Variants in MACROD1 observed in about 807,000 individuals in gnomAD.
MACROD1 encodes ADP-ribose glycohydrolase MACROD1.
MACROD1 carries 31 observed loss-of-function variants against 41.4 expected under a neutral mutation model. The observed-to-expected ratio is 0.75, with a 90% CI of 0.56 to 1.01. The LOEUF (loss-of-function observed/expected upper bound fraction) is 1.01. MACROD1 is among the 50% of genes least tolerant of loss of function. MACROD1 has a pLI of 0.00. For missense variants in MACROD1, 473 were observed against 460.0 expected, an observed-to-expected ratio of 1.03 and a Z score of -0.26; for synonymous variants, 252 against 203.4, an observed-to-expected ratio of 1.24 and a Z score of -2.03.
chr11:64,067,729 C>T lies in MACROD1; in HGVS notation c.518-52448G>A, dbSNP rs768609675. Among the ~76,000 whole-genome samples the T allele has an allele frequency of 5.9e-5, 9 of 152,178 alleles. No homozygotes were observed. Among genetic ancestry groups the T allele is most frequent in the Non-Finnish European group, 7.4e-5 (5 of 68,026 alleles). On this transcript the variant is annotated intron_variant, in intron 3 of 10. Coordinates refer to ENST00000255681, the MANE Select transcript of MACROD1 (RefSeq NM_014067.4). The surrounding 1 kb of genome is among the most constrained non-coding windows in gnomAD (Gnocchi z 4.6). ...TGCGGACACGCCCCTCGCGAGGCACCGCAGGCTGCCACCCCCAGCTTGTGA... is the reference window on the plus strand; with the variant it reads ...TGCGGACACGCCCCTCGCGAGGCACTGCAGGCTGCCACCCCCAGCTTGTGA...
At chr11:64,092,070 C>T (rs1944500601) in intron 3 of MACROD1, among the ~76,000 whole-genome samples, 1 of 152,196 alleles carries the variant, frequency 6.6e-6, no homozygotes, top group South Asian at 2.1e-4. Context: ...CAAGCCAGGA[C>T]CATAGCACAC....
At chr11:64,060,898 G>A (rs1289148243) in intron 3 of MACROD1, among the ~76,000 whole-genome samples, 1 of 152,026 alleles carries the variant, frequency 6.6e-6, no homozygotes, top group Non-Finnish European at 1.5e-5. Context: ...CCGCCCCCGA[G>A]GCTCTTTGCA....
At chr11:64,027,343 G>A (rs904666761) in intron 3 of MACROD1, among the ~76,000 whole-genome samples, 7 of 152,178 alleles carry the variant, frequency 4.6e-5, no homozygotes, top group African/African-American at 1.7e-4. Flanking sequence ...CTGGGGAAGG[G>A]AGCAGATTGA....
At chr11:64,094,065 G>C (rs1447565101) in intron 3 of MACROD1, among the ~76,000 whole-genome samples, 1 of 152,174 alleles carries the variant, frequency 6.6e-6, no homozygotes, top group Non-Finnish European at 1.5e-5. Context: ...GGGAGGCCAA[G>C]CCAGGCAGAT....
At chr11:64,084,339 C>T (rs1036827578) in intron 3 of MACROD1, among the ~76,000 whole-genome samples, 6 of 152,226 alleles carry the variant, frequency 3.9e-5, no homozygotes, top group African/African-American at 7.2e-5. Flanking sequence ...CCCCCAGCCT[C>T]GAGGAGCCCC....
intron 3 of MACROD1, among the ~76,000 whole-genome samples, chr11:64,148,429 T>A (rs890317509): frequency 2.0e-5 from 3 of 152,062 alleles, no homozygotes; most frequent in Admixed American, 2.0e-4. Flanking sequence ...GGCGGCCAGA[T>A]CTCAAGCTCC....
chr11:64,119,400 T>C (rs1315772248), intron 3 of MACROD1, among the ~76,000 whole-genome samples: 1 of 152,198 alleles, frequency 6.6e-6, no homozygotes, highest in East Asian at 1.9e-4. Context: ...AAAAGCTTTA[T>C]TTGATTCCAG....
chr11:64,000,138 C>G (rs1942795832), intron 5 of MACROD1, 89 bp downstream of exon 5: 3 of 1,041,474 alleles, frequency 2.9e-6, no homozygotes, highest in Non-Finnish European at 4.2e-6. Context: ...AGTTCCCCAG[C>G]ACTCCTGTGG....
intron 3 of MACROD1, among the ~76,000 whole-genome samples, chr11:64,066,155 GGC>G (rs1944001469): frequency 2.0e-5 from 3 of 151,802 alleles, no homozygotes; most frequent in African/African-American, 7.3e-5. Context: ...GAATTAGCTG[GGC>G]ATGGTGGTGG....
At chr11:64,117,710 G>T in intron 3 of MACROD1, 1 of 1,613,638 alleles carries the variant, frequency 6.2e-7, no homozygotes, top group Non-Finnish European at 8.5e-7. Context: ...GCTCCATCAC[G>T]GAGACCTTGG....
At chr11:64,091,378 A>G (rs1565228284) in intron 3 of MACROD1, among the ~76,000 whole-genome samples, 2 of 150,846 alleles carry the variant, frequency 1.3e-5, no homozygotes, top group Non-Finnish European at 3.0e-5. Context: ...CTCTGGGGAC[A>G]TGAGGATGCC....
intron 4 of MACROD1, among the ~76,000 whole-genome samples, chr11:64,010,449 G>A (rs1375620779): frequency 3.3e-5 from 5 of 150,816 alleles, no homozygotes; most frequent in African/African-American, 1.2e-4. Context: ...TGGGGTGTTG[G>A]TTGGGGTGCT....
At chr11:64,060,864 C>G (rs1355960017) in intron 3 of MACROD1, among the ~76,000 whole-genome samples, 15 of 152,162 alleles carry the variant, frequency 9.9e-5, no homozygotes, top group African/African-American at 3.6e-4. Context: ...GGGGCCAAAG[C>G]CCTCCAGGCC....
intron 3 of MACROD1, among the ~76,000 whole-genome samples, chr11:64,037,476 AG>A (rs1174871977): frequency 1.3e-5 from 2 of 152,342 alleles, no homozygotes; most frequent in Non-Finnish European, 2.9e-5. Flanking sequence ...GCGACTGTTC[AG>A]GGCTTCCTCA....
chr11:64,133,790 C>T (rs1214805545), intron 3 of MACROD1, among the ~76,000 whole-genome samples: 1 of 152,224 alleles, frequency 6.6e-6, no homozygotes, highest in Non-Finnish European at 1.5e-5. Flanking sequence ...GTACATCTCC[C>T]TTGTTCCCCC....
chr11:64,158,458 G>A (rs1412850127), intron 1 of MACROD1, among the ~76,000 whole-genome samples: 2 of 152,062 alleles, frequency 1.3e-5, no homozygotes, highest in Non-Finnish European at 2.9e-5. Context: ...TGCCCAGGCT[G>A]GTCTCGAACT....
chr11:64,116,496 G>A lies in MACROD1; in HGVS notation c.517+34743C>T, dbSNP rs770193280. 7.4e-6 allele frequency: 12 copies of A among 1,613,828 alleles called. No individual in the cohort carries two copies. The highest frequency in any genetic ancestry group is 2.2e-5 in the East Asian group (1 of 44,868). On this transcript the variant is annotated intron_variant, in intron 3 of 10. Coordinates refer to ENST00000255681, the MANE Select transcript of MACROD1 (RefSeq NM_014067.4). ...CGACCGGGGACTCACATCCATCCCC[G>A]CAGATATCCCTGATGATGCCACCAC...
chr11:63,999,774 CG>C lies in MACROD1; in HGVS notation c.665-12del, dbSNP rs1565188913. ...CTGTGTGGATGACGTCTACGGGGGG[CG>C]ACGGGGTCAGACCGGCGGGGGTCTA... On this transcript the variant is annotated splice_polypyrimidine_tract_variant and intron_variant, in intron 5 of 10. Transcript: ENST00000255681. 1 of 1,602,614 alleles carries C rather than the reference CG, an allele frequency of 6.2e-7. No homozygotes were observed. The highest frequency in any genetic ancestry group is 8.5e-7 in the Non-Finnish European group (1 of 1,178,188).
At chr11:64,101,710 A>G (rs1944674309) in intron 3 of MACROD1, among the ~76,000 whole-genome samples, 1 of 152,240 alleles carries the variant, frequency 6.6e-6, no homozygotes, top group African/African-American at 2.4e-5. Flanking sequence ...CGCCGCGTGC[A>G]GGGACTCTGT....
Sources: gnomAD v4.1 joint callset for allele counts (sites outside exome capture counted in the v4.1 genomes callset) on GRCh38, gnomAD v4.1.1 for gene constraint, Gnocchi (gnomAD v3.1) non-coding constraint, MANE v1.5 for transcripts, NCBI Gene and HGNC (gene_info 2026-07-23, HGNC 2026-07-21) for gene names.